The following HIVEP3 variants were observed in gnomAD, a reference collection of about 807,000 sequenced individuals.
HIVEP3 encodes HIVEP zinc finger 3.
HIVEP3 carries 49 observed loss-of-function variants against 152.8 expected under a neutral mutation model. The ratio of observed to expected loss-of-function variants is 0.32; its 90% CI spans 0.26 to 0.41. HIVEP3 has a LOEUF of 0.41. Among genes scored for constraint, HIVEP3 ranks in the 10% least tolerant of loss-of-function variants. The probability of loss-of-function intolerance (pLI) is 1.00; values close to 1 mark genes in which losing one functional copy is unlikely to be tolerated. For missense variants in HIVEP3, 2,790 were observed against 3,103.3 expected, an observed-to-expected ratio of 0.90 and a Z score of 2.40; for synonymous variants, 1,269 against 1,289.0, an observed-to-expected ratio of 0.98 and a Z score of 0.33.
intron 1 of HIVEP3, among the ~76,000 whole-genome samples, chr1:41,756,647 T>G (rs1433426240): frequency 6.6e-6 from 1 of 152,212 alleles, no homozygotes; most frequent in Non-Finnish European, 1.5e-5. Flanking sequence ...TATTATACAA[T>G]CATTGAAATG....
chr1:41,537,096 G>A (rs551411374), intron 5 of HIVEP3, among the ~76,000 whole-genome samples: 51 of 152,282 alleles, frequency 3.3e-4, no homozygotes, highest in Admixed American at 1.0e-3. Context: ...CTTCAAGCCC[G>A]TGACTTTTCA....
At chr1:41,622,087 A>T (rs1047117966) in intron 3 of HIVEP3, among the ~76,000 whole-genome samples, 1 of 152,226 alleles carries the variant, frequency 6.6e-6, no homozygotes, top group Admixed American at 6.5e-5. Context: ...CATCTTGCAG[A>T]TCCTTGGGTT....
At chr1:41,762,566 T>C (rs1318294348) in intron 1 of HIVEP3, among the ~76,000 whole-genome samples, 2 of 152,188 alleles carry the variant, frequency 1.3e-5, no homozygotes, top group African/African-American at 4.8e-5. Context: ...ATTCCCCTCA[T>C]CTGGAGGCCA....
chr1:41,521,319 A>T (rs1266818383), intron 6 of HIVEP3, among the ~76,000 whole-genome samples: 1 of 152,170 alleles, frequency 6.6e-6, no homozygotes, highest in Non-Finnish European at 1.5e-5. Flanking sequence ...AGATGCTAAG[A>T]TGATGCTTTT....
intron 2 of HIVEP3, among the ~76,000 whole-genome samples, chr1:41,630,232 A>G (rs1037771297): frequency 2.0e-5 from 3 of 152,200 alleles, no homozygotes; most frequent in Non-Finnish European, 2.9e-5. Flanking sequence ...CATTGGGTAC[A>G]CATGGACATA....
intron 1 of HIVEP3, among the ~76,000 whole-genome samples, chr1:42,022,282 A>G (rs924540331): frequency 2.6e-5 from 4 of 152,078 alleles, no homozygotes; most frequent in Admixed American, 2.6e-4. Flanking sequence ...TTCCACTCTG[A>G]TGAGATTGCC....
At chr1:41,555,210 C>G (rs1407141871) in intron 5 of HIVEP3, among the ~76,000 whole-genome samples, 1 of 152,184 alleles carries the variant, frequency 6.6e-6, no homozygotes, top group Admixed American at 6.5e-5. Context: ...TGGTGGATGC[C>G]CCTCCCCCTG....
At chr1:41,736,228 A>G (rs912876623) in intron 1 of HIVEP3, among the ~76,000 whole-genome samples, 2 of 152,194 alleles carry the variant, frequency 1.3e-5, no homozygotes, top group Non-Finnish European at 2.9e-5. Context: ...CCTCCATGGC[A>G]TTCGTTCTGG....
At position 41,510,643 on chromosome 1, in the gene HIVEP3, A is replaced by G; in HGVS notation, c.7029T>C (p.Pro2343=). 6.5e-7 allele frequency: 1 copy of G among 1,541,460 alleles called. No homozygotes were observed. Among genetic ancestry groups the G allele is most frequent in the Non-Finnish European group, 8.8e-7 (1 of 1,142,038 alleles). ...TGCGGTCCAGCGGCGGGGTGGCAGA[A>G]GGCTCGGGGTTGGTCGGTGCACGCG... is the stretch of plus-strand genomic sequence containing the variant. ...ESPRAPTNPE[P]SATPPLDRSS... Residue 2343 remains proline (P), a synonymous_variant, in exon 9 of 9, where the codon CCT becomes CCC. Transcript: ENST00000372583.
chr1:41,867,568 T>C (rs1330146373), intron 1 of HIVEP3, among the ~76,000 whole-genome samples: 1 of 152,172 alleles, frequency 6.6e-6, no homozygotes, highest in Non-Finnish European at 1.5e-5. Flanking sequence ...GATGGCCTTC[T>C]TGCTGCAGGC....
At chr1:41,560,295 C>T (rs2149087923) in intron 5 of HIVEP3, among the ~76,000 whole-genome samples, 1 of 152,246 alleles carries the variant, frequency 6.6e-6, no homozygotes, top group East Asian at 1.9e-4. Context: ...AGGCGCAGGG[C>T]CAGGATTTGA....
intron 1 of HIVEP3, among the ~76,000 whole-genome samples, chr1:41,976,382 A>G (rs750583851): frequency 6.6e-6 from 1 of 152,192 alleles, no homozygotes; most frequent in East Asian, 1.9e-4. Context: ...GGAACTCCCA[A>G]TCCTTAGCCT....
chr1:41,803,262 AGTAT>A (rs1650408475), intron 1 of HIVEP3, among the ~76,000 whole-genome samples: 1 of 152,118 alleles, frequency 6.6e-6, no homozygotes, highest in African/African-American at 2.4e-5. Flanking sequence ...CAGGCTGCGG[AGTAT>A]GTGTTGTTAT....
Position 41,511,322 on chromosome 1 carries a change from G to T in HIVEP3, c.6406-56C>A. Reference sequence around the variant, plus strand: ...GAAGGTTACATGCTGGGCACATGGGGAGCCGAGGCCTGGAAGTGGGAGGGG... The same window carrying T: ...GAAGGTTACATGCTGGGCACATGGGTAGCCGAGGCCTGGAAGTGGGAGGGG... On this transcript the variant is annotated intron_variant, in intron 8 of 8. Transcript: ENST00000372583. The surrounding 1 kb of genome is among the most constrained non-coding windows in gnomAD (Gnocchi z 4.9). The T allele has an allele frequency of 7.0e-7, 1 of 1,435,778 alleles. No homozygotes were observed. The highest frequency in any genetic ancestry group is 2.4e-5 in the East Asian group (1 of 41,474). 88.9% of individuals were successfully genotyped at this position (1,435,778 alleles called of 1,614,324 possible). A position where few individuals can be genotyped will look rare whatever the true frequency, so the allele number is the denominator to read the frequency against.
At chr1:41,917,955 G>T (rs1200964207) in intron 1 of HIVEP3, among the ~76,000 whole-genome samples, 1 of 152,240 alleles carries the variant, frequency 6.6e-6, no homozygotes, top group African/African-American at 2.4e-5. Flanking sequence ...CAGCAGCCAA[G>T]GCAGCACAAG....
At chr1:41,523,653 C>G (rs946891517) in intron 6 of HIVEP3, among the ~76,000 whole-genome samples, 4 of 152,160 alleles carry the variant, frequency 2.6e-5, no homozygotes, top group African/African-American at 9.7e-5. Context: ...GCTGGGCCCC[C>G]TCCAGAGCAG....
chr1:41,580,912 A>C lies in HIVEP3; in HGVS notation c.3886T>G (p.Ser1296Ala), dbSNP rs1476363358. ...RLPPVAPPASSSAPTSAPPLA... is the reference protein window; with the variant it reads ...RLPPVAPPASASAPTSAPPLA... The stretch of plus-strand genomic sequence containing the variant: ...GGAGGAGCTGATGTAGGTGCTGAGG[A>C]GCTGGCTGGGGGAGCCACAGGGGGT... Residue 1296 changes from serine to alanine, a missense_variant, in exon 4 of 9, where the codon TCC (serine) becomes GCC (alanine). By Grantham distance (99) the Ser-to-Ala change is moderately conservative. This residue lies in a region of HIVEP3 where 1,078 missense variants were observed against 1,165.3 expected (regional missense o/e 0.93). Transcript: ENST00000372583. 3 of 1,612,632 alleles carry C rather than the reference A, an allele frequency of 1.9e-6. No individual in the cohort carries two copies. The highest frequency in any genetic ancestry group is 2.5e-6 in the Non-Finnish European group (3 of 1,179,482).
intron 3 of HIVEP3, among the ~76,000 whole-genome samples, chr1:41,600,668 G>A (rs1360063393): frequency 1.3e-5 from 2 of 152,176 alleles, no homozygotes; most frequent in Non-Finnish European, 2.9e-5. Context: ...ATTTAAAATA[G>A]TAAAGTTGGT....
chr1:41,698,857 C>T (rs940460804), intron 2 of HIVEP3, among the ~76,000 whole-genome samples: 16 of 151,790 alleles, frequency 1.1e-4, no homozygotes, highest in Admixed American at 3.3e-4. Context: ...CTCCTGCTCT[C>T]AGTGTGTGGC....
Sources: gnomAD v4.1 joint callset for allele counts (sites outside exome capture counted in the v4.1 genomes callset) on GRCh38, gnomAD v4.1.1 for gene constraint, gnomAD v4.1.1 regional missense constraint, Gnocchi (gnomAD v3.1) non-coding constraint, MANE v1.5 for transcripts, NCBI Gene and HGNC (gene_info 2026-07-23, HGNC 2026-07-21) for gene names.